The following ARFGEF3 variants were observed in gnomAD, a reference collection of about 807,000 sequenced individuals.
The protein encoded by ARFGEF3 is ARFGEF family member 3.
ARFGEF3 carries 96 observed loss-of-function variants against 221.7 expected under a neutral mutation model. The observed-to-expected ratio is 0.43, with a 90% CI of 0.37 to 0.51. The LOEUF is 0.51. Ranked by LOEUF, ARFGEF3 falls within the 20% of genes least tolerant of loss-of-function variation. The pLI is 0.00. For missense variants in ARFGEF3, 2,410 were observed against 2,789.9 expected, an observed-to-expected ratio of 0.86 and a Z score of 3.07; for synonymous variants, 1,145 against 1,126.8, an observed-to-expected ratio of 1.02 and a Z score of -0.32.
intron 5 of ARFGEF3, among the ~76,000 whole-genome samples, chr6:138,235,319 C>T (rs1260624963): frequency 6.6e-6 from 1 of 152,210 alleles, no homozygotes; most frequent in Non-Finnish European, 1.5e-5. Flanking sequence ...AATCTCCTCA[C>T]TGCCCTGCAT....
intron 22 of ARFGEF3, among the ~76,000 whole-genome samples, chr6:138,305,811 T>G (rs978617595): frequency 2.0e-5 from 3 of 152,136 alleles, no homozygotes; most frequent in Non-Finnish European, 2.9e-5. Context: ...TCATCACCCA[T>G]TTTTGACAAA....
chr6:138,175,834 G>C lies in ARFGEF3; in HGVS notation c.137+5121G>C, dbSNP rs540591696. 3.3e-5 allele frequency among the ~76,000 whole-genome samples: 5 copies of C among 152,332 alleles called. No individual in the cohort carries two copies. In the East Asian group the frequency reaches 7.7e-4, roughly 24 times the overall value. On this transcript the variant is annotated intron_variant, in intron 2 of 33. Coordinates refer to ENST00000251691, the MANE Select transcript of ARFGEF3 (RefSeq NM_020340.5). Reference sequence around the variant, plus strand: ...GTCCTGACAACGTGTCTAATGCTGTGAGTGGGATGTTGAAGTCCCCTACTA... The same window carrying C: ...GTCCTGACAACGTGTCTAATGCTGTCAGTGGGATGTTGAAGTCCCCTACTA...
Position 138,286,887 on chromosome 6 carries a change from G to A in ARFGEF3, c.2756G>A (p.Arg919Gln), listed in dbSNP as rs200406717. Residue 919 changes from arginine (R) to glutamine (Q), a missense_variant, in exon 16 of 34, where the codon CGG (arginine) becomes CAG (glutamine). Transcript: ENST00000251691. ...DAICMSLDGL[R>Q]KAARLSCALG... ...ATCTGCATGAGCCTCGACGGGCTGC[G>A]GAAAGCCGCACGGCTGAGCTGCGCT... 2.4e-5 allele frequency: 39 copies of A among 1,613,348 alleles called. 1 individual carries two copies. Among genetic ancestry groups the A allele is most frequent in the South Asian group, 2.2e-4 (20 of 91,044 alleles).
At position 138,323,688 on chromosome 6, in the gene ARFGEF3, C is replaced by T. The variant is rs565406652; in HGVS notation, c.4784C>T (p.Ala1595Val). ...CSCIRYVLVT[A>V]GPVFTEEMWR... ...TTTGGCAGATACGTCCTTGTGACAGCGGGCCCTGTGTTCACTGAGGAGATG... is the reference window on the plus strand; with the variant it reads ...TTTGGCAGATACGTCCTTGTGACAGTGGGCCCTGTGTTCACTGAGGAGATG... The change falls in exon 30 of 34, where the codon GCG becomes GTG. Residue 1595 changes from alanine to valine, a missense_variant. Around this residue, in one of 5 missense-constraint regions of ARFGEF3, gnomAD observed 723 missense variants for 991.9 expected, o/e 0.73. Transcript: ENST00000251691. 14 of 1,613,782 alleles carry T rather than the reference C, an allele frequency of 8.7e-6. No individual in the cohort carries two copies. The highest frequency in any genetic ancestry group is 4.0e-5 in the African/African-American group (3 of 75,028).
intron 4 of ARFGEF3, among the ~76,000 whole-genome samples, chr6:138,220,024 CT>C (rs1286434711): frequency 6.6e-6 from 1 of 151,488 alleles, no homozygotes; most frequent in Non-Finnish European, 1.5e-5. Context: ...CTTTTCCTTT[CT>C]TTTTTTCTGC....
intron 29 of ARFGEF3, 26 bp from the exon 30 acceptor site, chr6:138,323,645 A>T: frequency 6.3e-7 from 1 of 1,593,928 alleles, no homozygotes; most frequent in Non-Finnish European, 8.6e-7. Context: ...CAAAAAAAAA[A>T]CTCCTTTACT....
chr6:138,186,821 ACT>A (rs1353967212), intron 2 of ARFGEF3, among the ~76,000 whole-genome samples: 1 of 148,758 alleles, frequency 6.7e-6, no homozygotes, highest in Non-Finnish European at 1.5e-5. Context: ...GTTTCCTTAG[ACT>A]CTGCTGCTCT....
At chr6:138,268,710 G>A (rs1486897110) in intron 12 of ARFGEF3, among the ~76,000 whole-genome samples, 1 of 152,208 alleles carries the variant, frequency 6.6e-6, no homozygotes, top group Admixed American at 6.5e-5. Flanking sequence ...GAAGGTCCCA[G>A]CCTTGCACGG....
At position 138,317,194 on chromosome 6, in the gene ARFGEF3, G is replaced by A. The variant is rs1779940746; in HGVS notation, c.4346-57G>A. ...CATACAATGTTTAATTGGATCTTGA[G>A]ATGATTATTCATTGTGTCTAACTGG... On this transcript the variant is annotated intron_variant, in intron 26 of 33. Coordinates refer to ENST00000251691, the MANE Select transcript of ARFGEF3 (RefSeq NM_020340.5). 1.6e-5 allele frequency: 26 copies of A among 1,581,472 alleles called. No homozygotes were observed. The South Asian group carries it at 2.6e-4, about 16-fold the overall frequency.
At chr6:138,283,481 C>T (rs796446006) in intron 14 of ARFGEF3, among the ~76,000 whole-genome samples, 7 of 152,262 alleles carry the variant, frequency 4.6e-5, no homozygotes, top group African/African-American at 1.7e-4. Flanking sequence ...AAGAATTCAA[C>T]AAAATAAGGA....
rs773962256 is a variant in ARFGEF3 at position 138,334,511 on chromosome 6, G to A, written c.5665G>A (p.Val1889Ile). The change falls in exon 33 of 34, where the codon GTC (valine) becomes ATC (isoleucine). Residue 1889 changes from valine (V) to isoleucine (I), a missense_variant. Physicochemically the swap from Val to Ile is conservative, Grantham distance 29. Around this residue, in one of 5 missense-constraint regions of ARFGEF3, gnomAD observed 723 missense variants for 991.9 expected, o/e 0.73. Transcript: ENST00000251691. This position sits in a 1 kb window ranked among gnomAD's most constrained non-coding sequence, Gnocchi z 5.1. Reference protein sequence around the residue: ...QWRARMPLLSVQPVSNADWVW... With the variant: ...QWRARMPLLSIQPVSNADWVW... ...GCGGGCACGGATGCCCTTGCTCAGC[G>A]TCCAGCCTGTCAGCAACGCAGATTG... 6 of 1,611,984 alleles carry A rather than the reference G, an allele frequency of 3.7e-6. No homozygotes were observed. The highest frequency in any genetic ancestry group is 1.7e-5 in the Admixed American group (1 of 59,836).
intron 10 of ARFGEF3, among the ~76,000 whole-genome samples, chr6:138,258,907 G>A (rs1778736207): frequency 6.6e-6 from 1 of 152,174 alleles, no homozygotes; most frequent in African/African-American, 2.4e-5. Context: ...CTTTGCATAT[G>A]GCATCCATAG....
intron 24 of ARFGEF3, among the ~76,000 whole-genome samples, chr6:138,309,847 C>A (rs551694374): frequency 6.6e-6 from 1 of 152,258 alleles, no homozygotes; most frequent in Non-Finnish European, 1.5e-5. Context: ...TTCTCCTGGG[C>A]CTTGGCTGAT....
chr6:138,248,100 G>A (rs2114564877), intron 8 of ARFGEF3, among the ~76,000 whole-genome samples: 1 of 152,320 alleles, frequency 6.6e-6, no homozygotes, highest in East Asian at 1.9e-4. Context: ...CTAGCAGACA[G>A]GATGAACAGA....
Position 138,162,761 on chromosome 6 carries a change from G to T in ARFGEF3, c.85+590G>T, listed in dbSNP as rs1011285284. Reference sequence around the variant, plus strand: ...TTTTAGGGCTGTGAGCTGTGCTAGCGTTGAAGTAAGTTCCAGGGAGCAAAT... The same window carrying T: ...TTTTAGGGCTGTGAGCTGTGCTAGCTTTGAAGTAAGTTCCAGGGAGCAAAT... On this transcript the variant is annotated intron_variant, in intron 1 of 33. Transcript: ENST00000251691. The surrounding 1 kb of genome is among the most constrained non-coding windows in gnomAD (Gnocchi z 4.7). 6.6e-6 allele frequency among the ~76,000 whole-genome samples: 1 copy of T among 152,192 alleles called. No individual in the cohort carries two copies. The highest frequency in any genetic ancestry group is 2.1e-4 in the South Asian group (1 of 4,834).
In ARFGEF3 at chr6:138,245,725, G is replaced by A. The variant is rs1051130064; in HGVS notation, c.665+134G>A. The A allele has an allele frequency of 3.2e-5, 23 of 719,318 alleles. No homozygotes were observed. The East Asian group carries it at 3.5e-4, about 11-fold the overall frequency. The allele number at this position is 719,318 out of a possible 1,614,324, so 44.6% of individuals were successfully genotyped here. ...AGTTTCCCCCCTCCACACCCTAAAC[G>A]CTGTTATTTACTAAGGAATATATTC... On this transcript the variant is annotated intron_variant, in intron 8 of 33. Transcript: ENST00000251691.
chr6:138,162,226 A>G lies in ARFGEF3; in HGVS notation c.85+55A>G, dbSNP rs749396319. The stretch of plus-strand genomic sequence containing the variant: ...GGGAGGGCCGCGCGGCCGGGGCTGA[A>G]CCCGCGCCTCCGCGCGTGGGGCTTT... On this transcript the variant is annotated intron_variant, in intron 1 of 33. Coordinates refer to ENST00000251691, the MANE Select transcript of ARFGEF3 (RefSeq NM_020340.5). The surrounding 1 kb of genome is among the most constrained non-coding windows in gnomAD (Gnocchi z 4.7). 1.1e-5 allele frequency: 15 copies of G among 1,372,302 alleles called. No individual in the cohort carries two copies. Among genetic ancestry groups the G allele is most frequent in the Non-Finnish European group, 1.5e-5 (15 of 996,118 alleles). The allele number at this position is 1,372,302 out of a possible 1,614,324, so 85.0% of individuals were successfully genotyped here. A position where few individuals can be genotyped will look rare whatever the true frequency, so the allele number is the denominator to read the frequency against.
chr6:138,172,677 T>C (rs1049697902), intron 2 of ARFGEF3, among the ~76,000 whole-genome samples: 2 of 152,226 alleles, frequency 1.3e-5, no homozygotes, highest in African/African-American at 4.8e-5. Context: ...ACAAGGTGTC[T>C]TACTGCTTAC....
At chr6:138,255,168 G>T in intron 9 of ARFGEF3, among the ~76,000 whole-genome samples, 1 of 152,160 alleles carries the variant, frequency 6.6e-6, no homozygotes, top group East Asian at 1.9e-4. Flanking sequence ...CAGCCATTTA[G>T]CATTTTGAGT....
Sources: allele counts gnomAD v4.1 joint callset (sites outside exome capture counted in the v4.1 genomes callset), GRCh38; gene constraint gnomAD v4.1.1; regional missense constraint gnomAD v4.1.1; non-coding constraint Gnocchi (gnomAD v3.1); transcripts MANE v1.5; gene names NCBI Gene and HGNC (gene_info 2026-07-23, HGNC 2026-07-21).